Variants in LILRB3 observed in about 807,000 individuals in gnomAD.
LILRB3 encodes the protein leukocyte immunoglobulin-like receptor subfamily B member 3.
LILRB3 carries 32 observed loss-of-function variants against 68.2 expected under a neutral mutation model. The observed-to-expected ratio is 0.47, with a 90% CI of 0.35 to 0.63. LILRB3 has a LOEUF of 0.63. LILRB3 is among the 30% of genes least tolerant of loss of function. LILRB3 has a pLI of 0.00. For synonymous variants in LILRB3, 185 were observed against 323.1 expected (o/e 0.57, Z 4.58); for missense variants, 502 against 791.3 (o/e 0.63, Z 4.39).
rs756563710 is a variant in LILRB3 at position 54,222,892 on chromosome 19, G to A, written c.34+51C>T. 7.8e-3 allele frequency: 12,536 copies of A among 1,610,194 alleles called. 218 individuals carry two copies. The highest frequency in any genetic ancestry group is 0.015 in the Middle Eastern group (88 of 6,040). On this transcript the variant is annotated intron_variant, in intron 1 of 12. Coordinates refer to ENST00000445347, the Ensembl canonical transcript of LILRB3. ...TGATGGACCAGGGCTTGTGTGTGGG[G>A]TGGGGTTCCTCCAAGACTCGGATCT... is the stretch of plus-strand genomic sequence containing the variant.
intron 2 of LILRB3, 63 bp from the exon 3 acceptor site, chr19:54,222,625 C>T: frequency 6.2e-7 from 1 of 1,611,650 alleles, no homozygotes; most frequent in South Asian, 1.1e-5. Flanking sequence ...GCTCCCAGCC[C>T]CAGGACTTCC....
Position 54,219,737 on chromosome 19 carries a change from G to C in LILRB3, c.1309+418C>G, listed in dbSNP as rs2077895883. 6 of 1,480,866 alleles carry C rather than the reference G, an allele frequency of 4.1e-6. No individual in the cohort carries two copies. In the East Asian group the frequency reaches 1.5e-4, roughly 36 times the overall value. The allele number at this position is 1,480,866 out of a possible 1,614,324, so 91.7% of individuals were successfully genotyped here. ...CCACAGGCCTCTCTCCTTTACACTT[G>C]GAGAAACTGAGGCCCAGGCAGGGGA... On this transcript the variant is annotated intron_variant, in intron 7 of 12. Coordinates refer to ENST00000445347, the Ensembl canonical transcript of LILRB3.
At chr19:54,218,046 G>C (rs571490864) in intron 11 of LILRB3, among the ~76,000 whole-genome samples, 1 of 144,244 alleles carries the variant, frequency 6.9e-6, no homozygotes, top group Non-Finnish European at 1.5e-5. Flanking sequence ...ACACTCGCTG[G>C]ATGAATGAAT....
intron 7 of LILRB3, chr19:54,219,851 TCA>T: frequency 6.5e-7 from 1 of 1,526,880 alleles, no homozygotes; most frequent in South Asian, 1.2e-5. Context: ...CATCTCCCAC[TCA>T]GAGCCCCTCA....
chr19:54,217,176 G>C (rs549674159), exon 13 of LILRB3: 3 of 1,613,662 alleles, frequency 1.9e-6, no homozygotes, highest in Middle Eastern at 1.7e-4. Flanking sequence ...GTTGCCTTCC[G>C]TCTAAGGGTC....
At chr19:54,219,395 G>A in intron 7 of LILRB3, 150 bp from the exon 8 acceptor site, 2 of 1,460,896 alleles carry the variant, frequency 1.4e-6, no homozygotes, top group East Asian at 4.9e-5. Flanking sequence ...CCATTTCACA[G>A]ATGCACAAAC....
exon 5 of LILRB3, chr19:54,221,135 G>T (rs759194325): frequency 8.7e-7 from 1 of 1,152,236 alleles, no homozygotes. Context: ...CGGAGGAGAG[G>T]TTGTGTGCAC....
At chr19:54,217,198 C>G in exon 13 of LILRB3, 1 of 1,600,874 alleles carries the variant, frequency 6.2e-7, no homozygotes, top group Non-Finnish European at 8.5e-7. Flanking sequence ...AGCTGTGCAG[C>G]TGGGCGTAGG....
chr19:54,219,674 T>A, intron 7 of LILRB3: 3 of 1,480,502 alleles, frequency 2.0e-6, no homozygotes, highest in Non-Finnish European at 2.7e-6. Context: ...TCCCAGGAGG[T>A]CACAGCTGGG....
chr19:54,219,396 A>T lies in LILRB3; in HGVS notation c.1310-151T>A, dbSNP rs1439213337. ...GCCACCCGTACAACCCATTTCACAG[A>T]TGCACAAACTGAGGCTCAGAGCAGG... On this transcript the variant is annotated intron_variant, in intron 7 of 12. Coordinates refer to ENST00000445347, the Ensembl canonical transcript of LILRB3. 8.9e-6 allele frequency: 13 copies of T among 1,459,934 alleles called. No individual in the cohort carries two copies. In the Admixed American group the frequency reaches 2.4e-4, roughly 27 times the overall value. 90.4% of individuals were successfully genotyped at this position (1,459,934 alleles called of 1,614,324 possible).
At chr19:54,219,008 G>C in intron 8 of LILRB3, 121 bp downstream of exon 8, 6 of 1,522,646 alleles carry the variant, frequency 3.9e-6, no homozygotes, top group Non-Finnish European at 5.3e-6. Flanking sequence ...AATGCGTATT[G>C]AAATTACGTG....
At chr19:54,218,539 A>G (rs919412193) in intron 10 of LILRB3, 106 bp downstream of exon 10, 32 of 1,603,418 alleles carry the variant, frequency 2.0e-5, no homozygotes, top group Non-Finnish European at 2.6e-5. Context: ...GGGCAAGACC[A>G]TCTTCCACGG....
At chr19:54,222,291 C>A in exon 3 of LILRB3, 1 of 1,610,818 alleles carries the variant, frequency 6.2e-7, no homozygotes, top group South Asian at 1.1e-5. Flanking sequence ...TCATCACCAG[C>A]TCCAGGGGGT....
chr19:54,220,516 C>T lies in LILRB3; in HGVS notation c.1258+12G>A. ...CCTTTGAGCTCAGAGAGGACGGGGT[C>T]AGCGCCCTCACCTGAGACCATGAGT... On this transcript the variant is annotated intron_variant, in intron 6 of 12. Coordinates refer to ENST00000445347, the Ensembl canonical transcript of LILRB3. The T allele has an allele frequency of 1.5e-6, 2 of 1,339,236 alleles. No homozygotes were observed. The highest frequency in any genetic ancestry group is 2.1e-4 in the Middle Eastern group (1 of 4,842). The allele number at this position is 1,339,236 out of a possible 1,614,324, so 83.0% of individuals were successfully genotyped here. A position where few individuals can be genotyped will look rare whatever the true frequency, so the allele number is the denominator to read the frequency against.
chr19:54,222,379 A>G, exon 3 of LILRB3: 2 of 1,607,484 alleles, frequency 1.2e-6, no homozygotes, highest in Non-Finnish European at 1.7e-6. Flanking sequence ...CATGGATGGG[A>G]TGGAGAATCT....
At chr19:54,219,433 C>A (rs1393883306) in intron 7 of LILRB3, 188 bp from the exon 8 acceptor site, 2 of 1,514,934 alleles carry the variant, frequency 1.3e-6, no homozygotes, top group Non-Finnish European at 9.0e-7. Context: ...AGTCGCCTGC[C>A]CCAGGCCTCC....
exon 13 of LILRB3, chr19:54,217,078 T>C: frequency 6.2e-7 from 1 of 1,614,120 alleles, no homozygotes; most frequent in African/African-American, 1.3e-5. Flanking sequence ...GTGTGGGGTC[T>C]GCGTACCCCC....
chr19:54,218,572 C>T (rs2077725093), intron 10 of LILRB3, 73 bp downstream of exon 10: 1 of 1,611,242 alleles, frequency 6.2e-7, no homozygotes, highest in Non-Finnish European at 8.5e-7. Flanking sequence ...TTCCCAGCCC[C>T]TCCCTGTTGC....
chr19:54,222,448 T>A (rs752725634), exon 3 of LILRB3: 1 of 1,601,392 alleles, frequency 6.2e-7, no homozygotes, highest in South Asian at 1.1e-5. Flanking sequence ...GCTTCCCTCT[T>A]TATCCAGTTG....
Sources: allele counts gnomAD v4.1 joint callset (sites outside exome capture counted in the v4.1 genomes callset), GRCh38; gene constraint gnomAD v4.1.1; transcripts MANE v1.5; gene names NCBI Gene and HGNC (gene_info 2026-07-23, HGNC 2026-07-21).